Variants in ROBO2 observed in about 807,000 individuals in gnomAD.
ROBO2 encodes roundabout guidance receptor 2, also known as roundabout homolog 2.
Under a neutral mutation model 160.8 loss-of-function variants are expected in ROBO2, and 53 were observed. The ratio of observed to expected loss-of-function variants is 0.33; its 90% CI spans 0.26 to 0.41. The LOEUF (loss-of-function observed/expected upper bound fraction) is 0.41. ROBO2 is among the 10% of genes least tolerant of loss of function. The pLI, the probability that ROBO2 is intolerant of heterozygous loss-of-function variation, is 1.00. For missense variants in ROBO2, 1,577 were observed against 1,722.4 expected (o/e 0.92, Z 1.49); for synonymous variants, 664 against 611.7 (o/e 1.09, Z -1.26).
intron 2 of ROBO2, among the ~76,000 whole-genome samples, chr3:77,338,322 C>T (rs914084477): frequency 2.0e-5 from 3 of 152,102 alleles, no homozygotes; most frequent in Non-Finnish European, 4.4e-5. Context: ...ATCTGCTCCC[C>T]CCTTGTTCTG....
chr3:77,580,023 G>A lies in ROBO2; in HGVS notation c.2405G>A (p.Gly802Asp), dbSNP rs1240938554. 4 of 1,613,488 alleles carry A rather than the reference G, an allele frequency of 2.5e-6. No homozygotes were observed. The highest frequency in any genetic ancestry group is 2.7e-5 in the African/African-American group (2 of 75,002). The change falls in exon 16 of 26, where the codon GGT becomes GAT. Residue 802 changes from glycine to aspartate, a missense_variant. Gly to Asp is a moderately conservative substitution (Grantham distance 94). Coordinates refer to ENST00000461745, the Ensembl canonical transcript of ROBO2. The stretch of plus-strand genomic sequence containing the variant: ...GCAGCCATTCGGTCCGTAATAATTG[G>A]TGGATTATTCCCAGGTATTCAATAC...
intron 2 of ROBO2, among the ~76,000 whole-genome samples, chr3:76,212,732 T>C (rs576829793): frequency 6.6e-6 from 1 of 152,162 alleles, no homozygotes; most frequent in South Asian, 2.1e-4. Flanking sequence ...CCCTTGTCCA[T>C]TCAGTACTTG....
At chr3:75,921,445 A>T (rs960552024) in intron 1 of ROBO2, among the ~76,000 whole-genome samples, 2 of 152,068 alleles carry the variant, frequency 1.3e-5, no homozygotes, top group Admixed American at 6.6e-5. Flanking sequence ...AGAAAAAAAA[A>T]TTGGTAATTT....
At chr3:77,464,352 AT>A (rs1435411223) in intron 2 of ROBO2, among the ~76,000 whole-genome samples, 2 of 152,286 alleles carry the variant, frequency 1.3e-5, no homozygotes, top group African/African-American at 4.8e-5. Context: ...GAACTGGCAT[AT>A]GGTGGAGGGG....
chr3:77,535,267 A>T (rs1229680675), intron 6 of ROBO2, among the ~76,000 whole-genome samples: 1 of 151,212 alleles, frequency 6.6e-6, no homozygotes, highest in African/African-American at 2.4e-5. Context: ...AAATGAGATA[A>T]TGGGATGTGA....
chr3:77,481,067 C>A, intron 3 of ROBO2, 32 bp from the exon 4 acceptor site: 1 of 1,571,040 alleles, frequency 6.4e-7, no homozygotes, highest in Non-Finnish European at 8.8e-7. Flanking sequence ...CTTTTTCTTC[C>A]CTTCTCTTTT....
intron 2 of ROBO2, among the ~76,000 whole-genome samples, chr3:76,539,896 C>T (rs112450950): frequency 0.022 from 3,400 of 152,236 alleles, 126 homozygotes; most frequent in African/African-American, 0.076. Flanking sequence ...AAATGTCCAG[C>T]TGTAATGAAA....
At chr3:76,037,077 G>T (rs957881200) in intron 2 of ROBO2, among the ~76,000 whole-genome samples, 3 of 151,590 alleles carry the variant, frequency 2.0e-5, no homozygotes, top group Non-Finnish European at 4.4e-5. Flanking sequence ...AGTACTATAT[G>T]CTCATCCATC....
chr3:75,908,629 A>T (rs1457773184), intron 1 of ROBO2, among the ~76,000 whole-genome samples: 1 of 152,154 alleles, frequency 6.6e-6, no homozygotes, highest in Non-Finnish European at 1.5e-5. Flanking sequence ...ACAATTGCAC[A>T]ACTACATTGA....
chr3:76,984,864 T>C (rs1206754165), intron 2 of ROBO2, among the ~76,000 whole-genome samples: 1 of 152,120 alleles, frequency 6.6e-6, no homozygotes, highest in Non-Finnish European at 1.5e-5. Context: ...ATACTTTTAT[T>C]ATTAATTTTT....
chr3:76,166,826 T>C (rs2072858228), intron 2 of ROBO2, among the ~76,000 whole-genome samples: 1 of 152,240 alleles, frequency 6.6e-6, no homozygotes, highest in African/African-American at 2.4e-5. Flanking sequence ...GACTTCCCTC[T>C]ATAAAATTCT....
At chr3:76,657,297 C>T (rs1020223869) in intron 2 of ROBO2, among the ~76,000 whole-genome samples, 2 of 151,746 alleles carry the variant, frequency 1.3e-5, no homozygotes, top group Admixed American at 6.6e-5. Context: ...TGGTGGCGGG[C>T]GCCTGTAGTC....
chr3:76,196,327 A>G (rs1333904926), intron 2 of ROBO2, among the ~76,000 whole-genome samples: 1 of 152,152 alleles, frequency 6.6e-6, no homozygotes, highest in Non-Finnish European at 1.5e-5. Context: ...TATAATATCC[A>G]TGACAATAAA....
intron 2 of ROBO2, among the ~76,000 whole-genome samples, chr3:76,155,885 G>A (rs1245651528): frequency 6.6e-6 from 1 of 152,054 alleles, no homozygotes; most frequent in African/African-American, 2.4e-5. Flanking sequence ...AAGAGTACTT[G>A]GTGTGATTTC....
In ROBO2 at chr3:76,878,284, C is replaced by A. The variant is rs149334692; in HGVS notation, c.110-219730C>A. 5.3e-4 allele frequency among the ~76,000 whole-genome samples: 80 copies of A among 152,124 alleles called. 2 individuals are homozygous for A. The East Asian group carries it at 0.013, about 24-fold the overall frequency. ...AATGTATTTTTAATACTTTGTGTAT[C>A]TTTTTGGAAAGACTCATAAGCAGCT... On this transcript the variant is annotated intron_variant, in intron 2 of 26. Coordinates refer to the ROBO2 transcript ENST00000487694.
chr3:76,069,364 A>G (rs1330584570), intron 2 of ROBO2, among the ~76,000 whole-genome samples: 1 of 152,192 alleles, frequency 6.6e-6, no homozygotes, highest in East Asian at 1.9e-4. Context: ...GATTCAATCC[A>G]TCAGGAAATC....
rs114060047 is a variant in ROBO2 at position 77,040,961 on chromosome 3, C to T, written c.61+115C>T. ...ATGAAATGACATTATGTCTGTTAGT[C>T]CGTTTTGGCCCGGCACGGGCTCCTT... On this transcript the variant is annotated intron_variant, in intron 1 of 25. Transcript: ENST00000461745. 0.08 allele frequency: 111,364 copies of T among 1,392,942 alleles called. 5,171 individuals are homozygous for T. The highest frequency in any genetic ancestry group is 0.096 in the Non-Finnish European group (94,715 of 991,286). 86.3% of individuals were successfully genotyped at this position (1,392,942 alleles called of 1,614,324 possible). A position where few individuals can be genotyped will look rare whatever the true frequency, so the allele number is the denominator to read the frequency against.
At chr3:77,560,695 A>G (rs1035742714) in intron 9 of ROBO2, among the ~76,000 whole-genome samples, 6 of 152,148 alleles carry the variant, frequency 3.9e-5, no homozygotes, top group Non-Finnish European at 7.4e-5. Flanking sequence ...GAAGTAGAAT[A>G]TTCCAGCACT....
At chr3:76,621,103 CACAT>C (rs1309193728) in intron 2 of ROBO2, among the ~76,000 whole-genome samples, 1 of 150,698 alleles carries the variant, frequency 6.6e-6, no homozygotes, top group Non-Finnish European at 1.5e-5. Context: ...ACCTCCTAAA[CACAT>C]ACACATATCT....
Sources: allele counts gnomAD v4.1 joint callset (sites outside exome capture counted in the v4.1 genomes callset), GRCh38; gene constraint gnomAD v4.1.1; transcripts MANE v1.5; gene names NCBI Gene and HGNC (gene_info 2026-07-23, HGNC 2026-07-21).